ZNF721: variants seen among roughly 807,000 people sequenced by gnomAD.
The protein encoded by ZNF721 is zinc finger protein 721.
ZNF721 carries 2 observed loss-of-function variants against 2.4 expected under a neutral mutation model. That is an observed-to-expected ratio of 0.82 (90% CI 0.34 to 2.58). The LOEUF is 2.58. Among genes scored for constraint, ZNF721 ranks in the 30% most tolerant of loss-of-function variants. ZNF721 has a pLI of 0.11. For missense variants in ZNF721, 1,187 were observed against 1,085.5 expected (o/e 1.09, Z -1.31); for synonymous variants, 398 against 381.8 (o/e 1.04, Z -0.50).
rs1284181457 is a variant in ZNF721 at position 441,623 on chromosome 4, G to A, written c.*72C>T. Reference sequence around the variant, plus strand: ...ACCGCGACATTCGTCACCTTCGTAAGACATTCCCCTGGTATGAGTTCTCTT... The same window carrying A: ...ACCGCGACATTCGTCACCTTCGTAAAACATTCCCCTGGTATGAGTTCTCTT... On this transcript the variant is annotated 3_prime_UTR_variant, in exon 3 of 3. Coordinates refer to ENST00000511833, the MANE Select transcript of ZNF721 (RefSeq NM_133474.4). 7.7e-7 allele frequency: 1 copy of A among 1,295,684 alleles called. No individual in the cohort carries two copies. The highest frequency in any genetic ancestry group is 1.5e-5 in the African/African-American group (1 of 66,940). 80.3% of individuals were successfully genotyped at this position (1,295,684 alleles called of 1,614,324 possible). A position where few individuals can be genotyped will look rare whatever the true frequency, so the allele number is the denominator to read the frequency against.
chr4:454,123 A>G (rs1714761368), intron 2 of ZNF721: 1 of 152,234 alleles, frequency 6.6e-6, no homozygotes, highest in Admixed American at 6.5e-5. Flanking sequence ...ACATTAGTAC[A>G]CTATGATTAC....
At chr4:495,495 T>TTCC (rs1553872100) in intron 1 of ZNF721, among the ~76,000 whole-genome samples, 5 of 143,300 alleles carry the variant, frequency 3.5e-5, no homozygotes, top group Admixed American at 2.9e-4. Context: ...CGATCAGGGG[T>TTCC]AGCTTTGCCA....
At chr4:476,126 C>T (rs1715618102) in intron 1 of ZNF721, among the ~76,000 whole-genome samples, 1 of 152,210 alleles carries the variant, frequency 6.6e-6, no homozygotes, top group Admixed American at 6.5e-5. Flanking sequence ...AGTCACCCTT[C>T]TTGCAGTCAA....
Position 444,414 on chromosome 4 carries a change from G to A in ZNF721, c.53C>T (p.Thr18Ile), listed in dbSNP as rs782045300. Residue 18 changes from threonine (T) to isoleucine (I), a missense_variant, in exon 3 of 3, where the codon ACC becomes ATC. Physicochemically the swap from Thr to Ile is moderately conservative, Grantham distance 89. Transcript: ENST00000511833. ...LVSLAMCSHFTQDFLPVQGIE... is the reference protein window; with the variant it reads ...LVSLAMCSHFIQDFLPVQGIE... ...CCCCTGCACTGGCAAAAAGTCTTGG[G>A]TGAAATGAGAACACATAGCTGAAAG... 24 of 1,587,458 alleles carry A rather than the reference G, an allele frequency of 1.5e-5. No homozygotes were observed. The South Asian group carries it at 1.7e-4, about 11-fold the overall frequency.
chr4:442,437 G>A lies in ZNF721; in HGVS notation c.2030C>T (p.Ala677Val), dbSNP rs782586708. 6 of 1,613,454 alleles carry A rather than the reference G, an allele frequency of 3.7e-6. No homozygotes were observed. In the Admixed American group the frequency reaches 5.0e-5, roughly 13 times the overall value. The change falls in exon 3 of 3, where the codon GCC (alanine) becomes GTC (valine). Residue 677 changes from alanine (A) to valine (V), a missense_variant. By Grantham distance (64) the Ala-to-Val change is moderately conservative. Transcript: ENST00000511833. Reference protein sequence around the residue: ...QSYKCEECGKAFGWSIALNQH... With the variant: ...QSYKCEECGKVFGWSIALNQH... ...ATTCAGGGCTATGGACCATCCAAAG[G>A]CTTTGCCACACTCTTCACATTTGTA...
At chr4:454,507 G>A (rs576478734) in intron 2 of ZNF721, among the ~76,000 whole-genome samples, 2 of 152,264 alleles carry the variant, frequency 1.3e-5, no homozygotes, top group South Asian at 4.1e-4. Flanking sequence ...ACTGCATACT[G>A]AATGTTATGT....
At chr4:497,851 T>C (rs1242329822) in intron 1 of ZNF721, among the ~76,000 whole-genome samples, 13 of 150,162 alleles carry the variant, frequency 8.7e-5, no homozygotes, top group African/African-American at 2.5e-4. Context: ...TGAGCGGAGA[T>C]GGTGCCACTG....
At chr4:455,661 G>A (rs1214097668) in intron 2 of ZNF721, among the ~76,000 whole-genome samples, 1 of 151,854 alleles carries the variant, frequency 6.6e-6, no homozygotes, top group Non-Finnish European at 1.5e-5. Flanking sequence ...TTACACCAAT[G>A]ACAATATAAA....
At chr4:484,977 A>G (rs6826380) in intron 1 of ZNF721, among the ~76,000 whole-genome samples, 57,224 of 151,944 alleles carry the variant, frequency 0.38, 11,150 homozygotes, top group African/African-American at 0.48. Flanking sequence ...TGTCTCCCCC[A>G]GACACCCAGC....
chr4:446,354 C>T (rs991559890), intron 2 of ZNF721, among the ~76,000 whole-genome samples: 3 of 150,400 alleles, frequency 2.0e-5, no homozygotes, highest in South Asian at 2.1e-4. Flanking sequence ...CAATAACAAA[C>T]GAGGACAGAT....
At chr4:479,714 G>A (rs191463173) in intron 1 of ZNF721, among the ~76,000 whole-genome samples, 3 of 152,318 alleles carry the variant, frequency 2.0e-5, no homozygotes, top group Admixed American at 6.5e-5. Flanking sequence ...TGCTCCTGCT[G>A]TCCCACCCCA....
chr4:459,767 C>G (rs1714960252), intron 2 of ZNF721, among the ~76,000 whole-genome samples: 1 of 150,788 alleles, frequency 6.6e-6, no homozygotes. Context: ...GGAGGCAGAG[C>G]TTCCAGTGAG....
intron 1 of ZNF721, among the ~76,000 whole-genome samples, chr4:482,371 G>T (rs1295536192): frequency 6.6e-6 from 1 of 152,120 alleles, no homozygotes; most frequent in African/African-American, 2.4e-5. Flanking sequence ...CTCCATGTTG[G>T]TCAGGCTGGC....
Position 443,210 on chromosome 4 carries a change from A to C in ZNF721, c.1257T>G (p.Cys419Trp). 1 of 1,613,926 alleles carries C rather than the reference A, an allele frequency of 6.2e-7. No homozygotes were observed. Among genetic ancestry groups the C allele is most frequent in the Non-Finnish European group, 8.5e-7 (1 of 1,179,906 alleles). ...RIHTREKPYT[C>W]EDRGRAFGLS... ...ATCCAAAGGCTCTGCCACGATCTTC[A>C]CATGTGTAGGGTTTCTCTCTGGTGT... Residue 419 changes from cysteine to tryptophan, a missense_variant, in exon 3 of 3, where the codon TGT (cysteine) becomes TGG (tryptophan). Cys to Trp is a radical substitution (Grantham distance 215, BLOSUM62 -2). Coordinates refer to ENST00000511833, the MANE Select transcript of ZNF721 (RefSeq NM_133474.4).
At chr4:484,906 C>A (rs76947100) in intron 1 of ZNF721, among the ~76,000 whole-genome samples, 8 of 152,162 alleles carry the variant, frequency 5.3e-5, no homozygotes, top group Admixed American at 5.2e-4. Context: ...TTGAAAATCT[C>A]GAATAAAAAC....
chr4:465,075 A>T (rs1179370984), intron 2 of ZNF721, among the ~76,000 whole-genome samples: 1 of 143,832 alleles, frequency 7.0e-6, no homozygotes, highest in East Asian at 2.1e-4. Flanking sequence ...ATAGAGCAAG[A>T]TTCCATTAAA....
rs1248420316 is a variant in ZNF721 at position 463,094 on chromosome 4, A to C, written c.34+9481T>G. Among the ~76,000 whole-genome samples, 5 of 152,238 alleles carry C rather than the reference A, an allele frequency of 3.3e-5. No individual in the cohort carries two copies. The East Asian group carries it at 7.7e-4, about 23-fold the overall frequency. ...AACCACCCCATCAAAAAGTGGGCAA[A>C]GGATATGAACAGACAGTTCTCAAAA... On this transcript the variant is annotated intron_variant, in intron 2 of 2. Coordinates refer to ENST00000511833, the MANE Select transcript of ZNF721 (RefSeq NM_133474.4).
intron 1 of ZNF721, among the ~76,000 whole-genome samples, chr4:483,375 C>A (rs1331893069): frequency 1.3e-5 from 2 of 151,980 alleles, no homozygotes; most frequent in Non-Finnish European, 2.9e-5. Context: ...TGGTGAAACC[C>A]CGTCTCTACT....
chr4:459,450 A>G (rs1553865775), intron 2 of ZNF721, among the ~76,000 whole-genome samples: 1 of 151,956 alleles, frequency 6.6e-6, no homozygotes, highest in Non-Finnish European at 1.5e-5. Flanking sequence ...AGGGAGGAAT[A>G]TTTACCAAGC....
Sources: gnomAD v4.1 joint callset for allele counts (sites outside exome capture counted in the v4.1 genomes callset) on GRCh38, gnomAD v4.1.1 for gene constraint, MANE v1.5 for transcripts, NCBI Gene and HGNC (gene_info 2026-07-23, HGNC 2026-07-21) for gene names.